EVX2: variants seen among roughly 807,000 people sequenced by gnomAD.
EVX2 encodes the protein homeobox even-skipped homolog protein 2.
EVX2 carries 10 observed loss-of-function variants against 19.2 expected under a neutral mutation model. The ratio of observed to expected loss-of-function variants is 0.52; its 90% CI spans 0.32 to 0.89. EVX2 has a LOEUF of 0.89. Ranked by LOEUF, EVX2 falls within the 40% of genes least tolerant of loss-of-function variation. The probability of loss-of-function intolerance (pLI) is 0.03; values close to 1 mark genes in which losing one functional copy is unlikely to be tolerated. For missense variants in EVX2, 710 were observed against 694.9 expected (o/e 1.02, Z -0.24); for synonymous variants, 354 against 328.4 (o/e 1.08, Z -0.84).
chr2:176,080,628 C>A lies in EVX2; in HGVS notation c.910G>T (p.Ala304Ser), dbSNP rs764264424. The part of the protein sequence containing the change: ...AAAAAAAASG[A>S]AAAASSPFAT... Reference sequence around the variant, plus strand: ...AAGGGCGACGAAGCCGCGGCCGCCGCGCCTGAGGCTGCAGCCGCGGCCGCC... The same window carrying A: ...AAGGGCGACGAAGCCGCGGCCGCCGAGCCTGAGGCTGCAGCCGCGGCCGCC... Residue 304 changes from alanine to serine, a missense_variant, in exon 3 of 3, where the codon GCG becomes TCG. Physicochemically the swap from Ala to Ser is moderately conservative, Grantham distance 99 (BLOSUM62 1). Coordinates refer to ENST00000308618, the MANE Select transcript of EVX2 (RefSeq NM_001080458.2). This position sits in a 1 kb window ranked among gnomAD's most constrained non-coding sequence, Gnocchi z 7.0. 5 of 1,537,744 alleles carry A rather than the reference C, an allele frequency of 3.3e-6. No homozygotes were observed. The highest frequency in any genetic ancestry group is 2.6e-6 in the Non-Finnish European group (3 of 1,154,258).
At position 176,078,622 on chromosome 2, in the gene EVX2, T is replaced by TC. The variant is rs2105370156; in HGVS notation, c.*1484dup. On this transcript the variant is annotated 3_prime_UTR_variant, in exon 3 of 3. Coordinates refer to ENST00000308618, the MANE Select transcript of EVX2 (RefSeq NM_001080458.2). The stretch of plus-strand genomic sequence containing the variant: ...AAGAACGTGGCTTTCTTCTGCGAAA[T>TC]CACTTCAGGTAACAGAGATAACATT... 1 of 152,326 alleles carries TC rather than the reference T, an allele frequency of 6.6e-6. No individual in the cohort carries two copies. Among genetic ancestry groups the TC allele is most frequent in the South Asian group, 2.1e-4 (1 of 4,824 alleles). 9.4% of individuals were successfully genotyped at this position (152,326 alleles called of 1,614,324 possible).
chr2:176,077,758 ATC>A lies in EVX2; in HGVS notation c.*2347_*2348del, dbSNP rs534979319. The A allele has an allele frequency of 2.2e-4, 33 of 152,302 alleles. No homozygotes were observed. Among genetic ancestry groups the A allele is most frequent in the Admixed American group, 2.1e-3 (32 of 15,302 alleles). 9.4% of individuals were successfully genotyped at this position (152,302 alleles called of 1,614,324 possible). On this transcript the variant is annotated 3_prime_UTR_variant, in exon 3 of 3. Transcript: ENST00000308618. ...TTACTGCCTAAAGTACCTTATATAC[ATC>A]TGTTAGCTGATCATAACAAAGGACT...
In EVX2 at chr2:176,082,512, T is replaced by C; in HGVS notation, c.428-63A>G. ...AGGACCAACAGCCCGGCGCTGGCGC[T>C]GCGCGCGGATCGGGGAAGCCCCGTC... is the stretch of plus-strand genomic sequence containing the variant. On this transcript the variant is annotated intron_variant, in intron 1 of 2. Coordinates refer to ENST00000308618, the MANE Select transcript of EVX2 (RefSeq NM_001080458.2). This position sits in a 1 kb window ranked among gnomAD's most constrained non-coding sequence, Gnocchi z 5.2. 1 of 1,482,184 alleles carries C rather than the reference T, an allele frequency of 6.7e-7. No homozygotes were observed. 91.8% of individuals were successfully genotyped at this position (1,482,184 alleles called of 1,614,324 possible).
Position 176,082,028 on chromosome 2 carries a change from T to G in EVX2, c.699+150A>C. 2.3e-6 allele frequency: 2 copies of G among 886,732 alleles called. No individual in the cohort carries two copies. The highest frequency in any genetic ancestry group is 3.2e-6 in the Non-Finnish European group (2 of 620,386). The allele number at this position is 886,732 out of a possible 1,614,324, so 54.9% of individuals were successfully genotyped here. On this transcript the variant is annotated intron_variant, in intron 2 of 2. Coordinates refer to ENST00000308618, the MANE Select transcript of EVX2 (RefSeq NM_001080458.2). The surrounding 1 kb of genome is among the most constrained non-coding windows in gnomAD (Gnocchi z 5.2). ...CCGTTCGGATTCGGTGGCCGGGAAA[T>G]AAATAAGCCAATTCCTTTGGTGACT...
Position 176,080,479 on chromosome 2 carries a change from G to A in EVX2, c.1059C>T (p.Leu353=), listed in dbSNP as rs774624988. 6 of 1,314,492 alleles carry A rather than the reference G, an allele frequency of 4.6e-6. No individual in the cohort carries two copies. In the East Asian group the frequency reaches 1.9e-4, roughly 41 times the overall value. 81.4% of individuals were successfully genotyped at this position (1,314,492 alleles called of 1,614,324 possible). ...CTGCCGCGGCAGAGGCCGCGCTGTT[G>A]AGCCCCGCGGCGGCCGCGGGAGCCT... ...LYQAPAAAAG[L]NSAASAAAAA... The change falls in exon 3 of 3, where the codon CTC becomes CTT. Residue 353 remains leucine, a synonymous_variant. Transcript: ENST00000308618. The surrounding 1 kb of genome is among the most constrained non-coding windows in gnomAD (Gnocchi z 7.0).
At position 176,081,706 on chromosome 2, in the gene EVX2, A is replaced by T. The variant is rs903953529; in HGVS notation, c.699+472T>A. ...CCTTTTTTCGTTGCCCAAGAGGAAAATGTTCAGGAAACTACTGTCTCAAAC... is the reference window on the plus strand; with the variant it reads ...CCTTTTTTCGTTGCCCAAGAGGAAATTGTTCAGGAAACTACTGTCTCAAAC... On this transcript the variant is annotated intron_variant, in intron 2 of 2. Coordinates refer to ENST00000308618, the MANE Select transcript of EVX2 (RefSeq NM_001080458.2). This position sits in a 1 kb window ranked among gnomAD's most constrained non-coding sequence, Gnocchi z 5.9. Among the ~76,000 whole-genome samples the T allele has an allele frequency of 6.6e-6, 1 of 152,196 alleles. No homozygotes were observed. The highest frequency in any genetic ancestry group is 1.5e-5 in the Non-Finnish European group (1 of 68,040).
chr2:176,080,517 G>A lies in EVX2; in HGVS notation c.1021C>T (p.Pro341Ser), dbSNP rs1416462002. Residue 341 changes from proline to serine, a missense_variant, in exon 3 of 3, where the codon CCT becomes TCT. By Grantham distance (74) the Pro-to-Ser change is moderately conservative (BLOSUM62 -1). Coordinates refer to ENST00000308618, the MANE Select transcript of EVX2 (RefSeq NM_001080458.2). The surrounding 1 kb of genome is among the most constrained non-coding windows in gnomAD (Gnocchi z 7.0). ...RPELLCSFRHPGLYQAPAAAA... is the reference protein window; with the variant it reads ...RPELLCSFRHSGLYQAPAAAA... ...GCCGCGGGAGCCTGGTAGAGACCAG[G>A]GTGGCGGAAGCTACACAGCAGCTCC... 9 of 1,475,712 alleles carry A rather than the reference G, an allele frequency of 6.1e-6. No individual in the cohort carries two copies. Among genetic ancestry groups the A allele is most frequent in the Non-Finnish European group, 8.0e-6 (9 of 1,128,126 alleles). The allele number at this position is 1,475,712 out of a possible 1,614,324, so 91.4% of individuals were successfully genotyped here. A position where few individuals can be genotyped will look rare whatever the true frequency, so the allele number is the denominator to read the frequency against.
Position 176,082,444 on chromosome 2 carries a change from C to A in EVX2, c.433G>T (p.Ala145Ser), listed in dbSNP as rs780489157. 1.9e-6 allele frequency: 3 copies of A among 1,548,638 alleles called. No homozygotes were observed. Among genetic ancestry groups the A allele is most frequent in the South Asian group, 2.5e-5 (2 of 81,456 alleles). ...QLKENNGKGY[A>S]ESGSAAGTTT... ...GTGCCGGCAGCCGAGCCGCTCTCTG[C>A]GTACCCTGGCAAACAAACGACCAAC... Residue 145 changes from alanine (A) to serine (S), a missense_variant, in exon 2 of 3, where the codon GCA becomes TCA. Physicochemically the swap from Ala to Ser is moderately conservative, Grantham distance 99. Coordinates refer to ENST00000308618, the MANE Select transcript of EVX2 (RefSeq NM_001080458.2). The surrounding 1 kb of genome is among the most constrained non-coding windows in gnomAD (Gnocchi z 5.2).
chr2:176,081,946 G>A lies in EVX2; in HGVS notation c.699+232C>T, dbSNP rs1351927796. Among the ~76,000 whole-genome samples, 1 of 152,212 alleles carries A rather than the reference G, an allele frequency of 6.6e-6. No homozygotes were observed. The highest frequency in any genetic ancestry group is 2.4e-5 in the African/African-American group (1 of 41,444). On this transcript the variant is annotated intron_variant, in intron 2 of 2. Transcript: ENST00000308618. This position sits in a 1 kb window ranked among gnomAD's most constrained non-coding sequence, Gnocchi z 5.9. ...TGGGCACAATGGAGCAGGGGCGAGTGCTTTCAGCATTGGAGTCACCATTCG... is the reference window on the plus strand; with the variant it reads ...TGGGCACAATGGAGCAGGGGCGAGTACTTTCAGCATTGGAGTCACCATTCG...
In EVX2 at chr2:176,082,488, G is replaced by A. The variant is rs546445938; in HGVS notation, c.428-39C>T. ...GACCAACAGCGCATGAGTGGCTGTA[G>A]GACCAACAGCCCGGCGCTGGCGCTG... On this transcript the variant is annotated intron_variant, in intron 1 of 2. Coordinates refer to ENST00000308618, the MANE Select transcript of EVX2 (RefSeq NM_001080458.2). This position sits in a 1 kb window ranked among gnomAD's most constrained non-coding sequence, Gnocchi z 5.2. The A allele has an allele frequency of 1.3e-6, 2 of 1,499,160 alleles. No homozygotes were observed. The highest frequency in any genetic ancestry group is 2.2e-5 in the Admixed American group (1 of 44,664). The allele number at this position is 1,499,160 out of a possible 1,614,324, so 92.9% of individuals were successfully genotyped here. A position where few individuals can be genotyped will look rare whatever the true frequency, so the allele number is the denominator to read the frequency against.
chr2:176,080,028 G>T lies in EVX2; in HGVS notation c.*79C>A. On this transcript the variant is annotated 3_prime_UTR_variant, in exon 3 of 3. Coordinates refer to ENST00000308618, the MANE Select transcript of EVX2 (RefSeq NM_001080458.2). This position sits in a 1 kb window ranked among gnomAD's most constrained non-coding sequence, Gnocchi z 7.0. Reference sequence around the variant, plus strand: ...GCAGCGGCAGCAGCGGGCAACGCGCGGAGGGCTCAGGGGGCGCACAGGGGA... The same window carrying T: ...GCAGCGGCAGCAGCGGGCAACGCGCTGAGGGCTCAGGGGGCGCACAGGGGA... 7.5e-7 allele frequency: 1 copy of T among 1,333,404 alleles called. No homozygotes were observed. Among genetic ancestry groups the T allele is most frequent in the East Asian group, 2.9e-5 (1 of 34,174 alleles). The allele number at this position is 1,333,404 out of a possible 1,614,324, so 82.6% of individuals were successfully genotyped here. A position where few individuals can be genotyped will look rare whatever the true frequency, so the allele number is the denominator to read the frequency against.
In EVX2 at chr2:176,082,249, C is replaced by T. The variant is rs1194396320; in HGVS notation, c.628G>A (p.Glu210Lys). 6 of 1,603,740 alleles carry T rather than the reference C, an allele frequency of 3.7e-6. No homozygotes were observed. The African/African-American group carries it at 4.0e-5, about 11-fold the overall frequency. ...IARLEKEFYRENYVSRPRRCE... is the reference protein window; with the variant it reads ...IARLEKEFYRKNYVSRPRRCE... ...CGGCGGGGCCGCGACACATAGTTCT[C>T]CCGGTAGAACTCCTTCTCCAGGCGC... Residue 210 changes from glutamate (E) to lysine (K), a missense_variant, in exon 2 of 3, where the codon GAG becomes AAG. By Grantham distance (56) the Glu-to-Lys change is moderately conservative (BLOSUM62 1). Transcript: ENST00000308618. This position sits in a 1 kb window ranked among gnomAD's most constrained non-coding sequence, Gnocchi z 5.2.
chr2:176,080,304 G>T lies in EVX2; in HGVS notation c.1234C>A (p.Arg412=), dbSNP rs1357335801. 1 of 1,307,070 alleles carries T rather than the reference G, an allele frequency of 7.7e-7. No individual in the cohort carries two copies. Among genetic ancestry groups the T allele is most frequent in the Non-Finnish European group, 9.8e-7 (1 of 1,020,846 alleles). 81.0% of individuals were successfully genotyped at this position (1,307,070 alleles called of 1,614,324 possible). ...CCACCGCCGCCGCCACCGCCACCCC[G>T]GGAACCCAGGGCTGCGGCAGCTGCT... is the stretch of plus-strand genomic sequence containing the variant. ...AAAAAAALGS[R]GGGGGGGGGG... The change falls in exon 3 of 3, where the codon CGG becomes AGG. Residue 412 remains arginine, a synonymous_variant. Coordinates refer to ENST00000308618, the MANE Select transcript of EVX2 (RefSeq NM_001080458.2). The surrounding 1 kb of genome is among the most constrained non-coding windows in gnomAD (Gnocchi z 7.0).
At position 176,082,064 on chromosome 2, in the gene EVX2, G is replaced by T; in HGVS notation, c.699+114C>A. 8.2e-7 allele frequency: 1 copy of T among 1,212,296 alleles called. No individual in the cohort carries two copies. The highest frequency in any genetic ancestry group is 1.1e-6 in the Non-Finnish European group (1 of 906,036). The allele number at this position is 1,212,296 out of a possible 1,614,324, so 75.1% of individuals were successfully genotyped here. Reference sequence around the variant, plus strand: ...ATTCCTTTGGTGACTACCCCCCGCGGATTTCCAGACCCTTAGCTAAATCTA... The same window carrying T: ...ATTCCTTTGGTGACTACCCCCCGCGTATTTCCAGACCCTTAGCTAAATCTA... On this transcript the variant is annotated intron_variant, in intron 2 of 2. Transcript: ENST00000308618. This position sits in a 1 kb window ranked among gnomAD's most constrained non-coding sequence, Gnocchi z 5.2.
rs1689139594 is a variant in EVX2, at chr2:176,080,970, G to A, written c.700-132C>T. 2.6e-6 allele frequency: 3 copies of A among 1,173,554 alleles called. No individual in the cohort carries two copies. The highest frequency in any genetic ancestry group is 2.3e-6 in the Non-Finnish European group (2 of 864,032). 72.7% of individuals were successfully genotyped at this position (1,173,554 alleles called of 1,614,324 possible). ...TCTCTCCGACCAAGCCCAACCCCGA[G>A]TACCCTGTGGTCTCCCAGCTGGGAA... On this transcript the variant is annotated intron_variant, in intron 2 of 2. Transcript: ENST00000308618. This position sits in a 1 kb window ranked among gnomAD's most constrained non-coding sequence, Gnocchi z 7.0.
rs1574937215 is a variant in EVX2, at chr2:176,080,168, A to C, written c.1370T>G (p.Val457Gly). 1 of 1,530,178 alleles carries C rather than the reference A, an allele frequency of 6.5e-7. No individual in the cohort carries two copies. The highest frequency in any genetic ancestry group is 1.4e-5 in the African/African-American group (1 of 69,892). 94.8% of individuals were successfully genotyped at this position (1,530,178 alleles called of 1,614,324 possible). A position where few individuals can be genotyped will look rare whatever the true frequency, so the allele number is the denominator to read the frequency against. ...CGGGCTCACGGCCGTCTTACTAAGC[A>C]CCGCGGCCGAGTAGGGCAGGAAGCC... ...ESGFLPYSAA[V>G]LSKTAVSPPD... is the part of the protein sequence containing the mutation. Residue 457 changes from valine to glycine, a missense_variant, in exon 3 of 3, where the codon GTG (valine) becomes GGG (glycine). Coordinates refer to ENST00000308618, the MANE Select transcript of EVX2 (RefSeq NM_001080458.2). This position sits in a 1 kb window ranked among gnomAD's most constrained non-coding sequence, Gnocchi z 7.0.
In EVX2 at chr2:176,080,571, G is replaced by A. The variant is rs1434834358; in HGVS notation, c.967C>T (p.Arg323Cys). Reference sequence around the variant, plus strand: ...CGAGAGTAGGGGTGCGAGAGGGCGCGGAAGGTGTCCAGTGGCCGGATGGAA... The same window carrying A: ...CGAGAGTAGGGGTGCGAGAGGGCGCAGAAGGTGTCCAGTGGCCGGATGGAA... ...ATSIRPLDTF[R>C]ALSHPYSRPE... Residue 323 changes from arginine to cysteine, a missense_variant, in exon 3 of 3, where the codon CGC (arginine) becomes TGC (cysteine). Arg to Cys is a radical substitution (Grantham distance 180, BLOSUM62 -3). Transcript: ENST00000308618. This position sits in a 1 kb window ranked among gnomAD's most constrained non-coding sequence, Gnocchi z 7.0. 3 of 1,531,794 alleles carry A rather than the reference G, an allele frequency of 2.0e-6. No homozygotes were observed. Among genetic ancestry groups the A allele is most frequent in the Non-Finnish European group, 2.6e-6 (3 of 1,154,370 alleles). The allele number at this position is 1,531,794 out of a possible 1,614,324, so 94.9% of individuals were successfully genotyped here.
At position 176,081,416 on chromosome 2, in the gene EVX2, C is replaced by T. The variant is rs1689145482; in HGVS notation, c.700-578G>A. Reference sequence around the variant, plus strand: ...ATAAACGGGGAAGGGGACGTTTCCACCCCTCCCAACACTATCTAATAAAGA... The same window carrying T: ...ATAAACGGGGAAGGGGACGTTTCCATCCCTCCCAACACTATCTAATAAAGA... On this transcript the variant is annotated intron_variant, in intron 2 of 2. Coordinates refer to ENST00000308618, the MANE Select transcript of EVX2 (RefSeq NM_001080458.2). The surrounding 1 kb of genome is among the most constrained non-coding windows in gnomAD (Gnocchi z 5.9). 6.6e-6 allele frequency among the ~76,000 whole-genome samples: 1 copy of T among 152,140 alleles called. No homozygotes were observed. The highest frequency in any genetic ancestry group is 2.4e-5 in the African/African-American group (1 of 41,428).
rs760785672 is a variant in EVX2 at position 176,083,625 on chromosome 2, G to A, written c.152C>T (p.Pro51Leu). 3.1e-6 allele frequency: 5 copies of A among 1,614,196 alleles called. No individual in the cohort carries two copies. In the East Asian group the frequency reaches 8.9e-5, roughly 29 times the overall value. The change falls in exon 1 of 3, where the codon CCG becomes CTG. Residue 51 changes from proline to leucine, a missense_variant. By Grantham distance (98) the Pro-to-Leu change is moderately conservative. Transcript: ENST00000308618. The surrounding 1 kb of genome is among the most constrained non-coding windows in gnomAD (Gnocchi z 4.4). ...ENSQHPARLS[P>L]RLPSAPLHSA... ...GTGCAGGGGGGCAGACGGCAGGCGC[G>A]GGCTTAGGCGAGCCGGGTGCTGCGA...
Sources: allele counts gnomAD v4.1 joint callset (sites outside exome capture counted in the v4.1 genomes callset), GRCh38; gene constraint gnomAD v4.1.1; non-coding constraint Gnocchi (gnomAD v3.1); transcripts MANE v1.5; gene names NCBI Gene and HGNC (gene_info 2026-07-23, HGNC 2026-07-21).